CNTNAP2: variants seen among roughly 807,000 people sequenced by gnomAD.
CNTNAP2 encodes contactin-associated protein-like 2.
A neutral mutation model predicts 155.2 loss-of-function variants in CNTNAP2; 98 were observed. The observed-to-expected ratio is 0.63, with a 90% confidence interval of 0.54 to 0.75. The LOEUF (loss-of-function observed/expected upper bound fraction) is 0.75. Ranked by LOEUF, CNTNAP2 falls within the 30% of genes least tolerant of loss-of-function variation. CNTNAP2 has a pLI of 0.00. For missense variants in CNTNAP2, 1,727 were observed against 1,688.1 expected, an observed-to-expected ratio of 1.02 and a Z score of -0.40; for synonymous variants, 651 against 631.2, an observed-to-expected ratio of 1.03 and a Z score of -0.47.
intron 3 of CNTNAP2, among the ~76,000 whole-genome samples, chr7:146,887,830 C>T (rs1795698422): frequency 6.6e-6 from 1 of 152,080 alleles, no homozygotes; most frequent in South Asian, 2.1e-4. Flanking sequence ...CAGGTCATTT[C>T]CTTGACCACC....
In CNTNAP2 at chr7:147,560,168, C is replaced by CAAAAA. The variant is rs71183016; in HGVS notation, c.1778-1951_1778-1947dup. Among the ~76,000 whole-genome samples the CAAAAA allele has an allele frequency of 6.8e-4, 36 of 52,816 alleles. 2 individuals are homozygous for CAAAAA. The highest frequency in any genetic ancestry group is 1.2e-3 in the South Asian group (1 of 834). 34.6% of individuals were successfully genotyped at this position (52,816 alleles called of 152,430 possible). A position where few individuals can be genotyped will look rare whatever the true frequency, so the allele number is the denominator to read the frequency against. Reference sequence around the variant, plus strand: ...GGGCAACAAGAACGAAACTCCGTCTCAAAAAAAAAAAAAAAAAAAAAAATT... The same window carrying CAAAAA: ...GGGCAACAAGAACGAAACTCCGTCTCAAAAAAAAAAAAAAAAAAAAAAAAAAAATT... On this transcript the variant is annotated intron_variant, in intron 11 of 23. Transcript: ENST00000361727.
intron 3 of CNTNAP2, among the ~76,000 whole-genome samples, chr7:146,875,897 TACAC>T (rs1216351375): frequency 9.9e-6 from 1 of 100,818 alleles, no homozygotes; most frequent in Non-Finnish European, 1.7e-5. Context: ...CACACACACA[TACAC>T]ACACGCACAC....
At position 148,148,111 on chromosome 7, in the gene CNTNAP2, G is replaced by A. The variant is rs1805228419; in HGVS notation, c.2773+402G>A. The stretch of plus-strand genomic sequence containing the variant: ...GGGAGAGAGGGAGGGAGGGAGGGAG[G>A]AAATGGGCTAAGTTCAGATTTTTTT... On this transcript the variant is annotated intron_variant, in intron 17 of 23. Transcript: ENST00000361727. 3.9e-5 allele frequency among the ~76,000 whole-genome samples: 6 copies of A among 151,954 alleles called. No homozygotes were observed. The South Asian group carries it at 1.0e-3, about 26-fold the overall frequency.
chr7:146,470,372 A>G (rs1796779467), intron 1 of CNTNAP2, among the ~76,000 whole-genome samples: 1 of 152,174 alleles, frequency 6.6e-6, no homozygotes, highest in South Asian at 2.1e-4. Context: ...AACATCATTA[A>G]TGAAGGGCAT....
intron 3 of CNTNAP2, among the ~76,000 whole-genome samples, chr7:146,947,555 GTGTATATATATATATATATACATATA>G (rs1173464658): frequency 2.5e-4 from 10 of 39,432 alleles, no homozygotes; most frequent in South Asian, 2.1e-3. Context: ...GTGTGTGTGT[GTGTATATATATATATATATACATATA>G]TATATATATA....
Position 146,761,941 on chromosome 7 carries a change from C to T in CNTNAP2, c.98-12330C>T, listed in dbSNP as rs572499192. Among the ~76,000 whole-genome samples the T allele has an allele frequency of 1.4e-4, 21 of 151,950 alleles. 1 individual carries two copies. The highest frequency in any genetic ancestry group is 3.9e-4 in the African/African-American group (16 of 41,424). On this transcript the variant is annotated intron_variant, in intron 1 of 23. Transcript: ENST00000361727. ...AATCGCCACTTCAAAGGATAGTATG[C>T]GACTCAAAATCTAAATATATTTAAG...
At chr7:146,371,889 G>A (rs1475974547) in intron 1 of CNTNAP2, among the ~76,000 whole-genome samples, 1 of 151,806 alleles carries the variant, frequency 6.6e-6, no homozygotes, top group African/African-American at 2.4e-5. Flanking sequence ...AACCTGGGAT[G>A]GGGAGGTTGC....
Position 148,415,877 on chromosome 7 carries a change from G to T in CNTNAP2, c.*261G>T. ...AAAATGCTTTTAGAGTTTAAGCAAT[G>T]GTTGAAATTTGTAGGTACTATCTGT... On this transcript the variant is annotated 3_prime_UTR_variant, in exon 24 of 24. Transcript: ENST00000361727. 1.8e-6 allele frequency: 1 copy of T among 569,932 alleles called. No individual in the cohort carries two copies. Among genetic ancestry groups the T allele is most frequent in the Non-Finnish European group, 3.1e-6 (1 of 322,912 alleles). 35.3% of individuals were successfully genotyped at this position (569,932 alleles called of 1,614,324 possible). A position where few individuals can be genotyped will look rare whatever the true frequency, so the allele number is the denominator to read the frequency against.
intron 21 of CNTNAP2, among the ~76,000 whole-genome samples, chr7:148,279,428 C>T (rs915546402): frequency 4.6e-5 from 7 of 152,166 alleles, no homozygotes; most frequent in South Asian, 2.1e-4. Context: ...AGTCAAAGAG[C>T]GTTTCCCAAG....
At position 148,365,796 on chromosome 7, in the gene CNTNAP2, A is replaced by C. The variant is rs1419747274; in HGVS notation, c.3476-17853A>C. 2.0e-5 allele frequency among the ~76,000 whole-genome samples: 2 copies of C among 99,546 alleles called. 1 individual carries two copies. The highest frequency in any genetic ancestry group is 5.6e-4 in the South Asian group (2 of 3,566). The allele number at this position is 99,546 out of a possible 152,430, so 65.3% of individuals were successfully genotyped here. Reference sequence around the variant, plus strand: ...TACATGTATGTGTATGCATGTATACATGCATGTGTATGCATGTATACATGC... The same window carrying C: ...TACATGTATGTGTATGCATGTATACCTGCATGTGTATGCATGTATACATGC... On this transcript the variant is annotated intron_variant, in intron 21 of 23. Transcript: ENST00000361727.
intron 4 of CNTNAP2, among the ~76,000 whole-genome samples, chr7:147,094,925 G>T (rs530384847): frequency 6.6e-6 from 1 of 152,152 alleles, no homozygotes; most frequent in African/African-American, 2.4e-5. Flanking sequence ...GGTACCAAGA[G>T]ATTTGGTATC....
In CNTNAP2 at chr7:148,121,111, T is replaced by C. The variant is rs940025779; in HGVS notation, c.2554+2823T>C. The stretch of plus-strand genomic sequence containing the variant: ...GTGCAGTGGTGCAATCTCAGCTCAC[T>C]GCAACCTCTGCCTCCCAGGTTCAAG... On this transcript the variant is annotated intron_variant, in intron 16 of 23. Transcript: ENST00000361727. 6.6e-5 allele frequency among the ~76,000 whole-genome samples: 10 copies of C among 152,246 alleles called. No individual in the cohort carries two copies. The East Asian group carries it at 1.9e-3, about 29-fold the overall frequency.
intron 23 of CNTNAP2, among the ~76,000 whole-genome samples, chr7:148,413,392 C>CAA (rs1184055556): frequency 0.013 from 22 of 1,634 alleles, 6 homozygotes; most frequent in South Asian, 0.062. Context: ...AACTCCGTCT[C>CAA]AAAAAAAAAA....
chr7:148,053,971 C>CTTT (rs531701824), intron 15 of CNTNAP2, among the ~76,000 whole-genome samples: 4 of 127,190 alleles, frequency 3.1e-5, no homozygotes, highest in Admixed American at 8.4e-5. Flanking sequence ...AATTCCACTT[C>CTTT]TTTTTTTTTT....
chr7:147,542,423 T>C (rs1054054322), intron 11 of CNTNAP2, among the ~76,000 whole-genome samples: 7 of 152,310 alleles, frequency 4.6e-5, no homozygotes, highest in African/African-American at 1.4e-4. Context: ...ATTTACGGAC[T>C]AGCTGTGTGA....
At chr7:148,001,661 C>T (rs556902126) in intron 15 of CNTNAP2, among the ~76,000 whole-genome samples, 1 of 152,308 alleles carries the variant, frequency 6.6e-6, no homozygotes, top group East Asian at 1.9e-4. Flanking sequence ...AAAAGCTATA[C>T]ATTAATGTGC....
At chr7:148,229,851 T>G in intron 20 of CNTNAP2, 72 bp downstream of exon 20, 22 of 1,556,214 alleles carry the variant, frequency 1.4e-5, no homozygotes, top group Non-Finnish European at 1.8e-5. Context: ...TGCTTGGCCA[T>G]TGGTTTTGTT....
chr7:147,150,412 TGTAGA>T (rs1032473103), intron 8 of CNTNAP2, among the ~76,000 whole-genome samples: 9 of 151,898 alleles, frequency 5.9e-5, no homozygotes, highest in African/African-American at 1.7e-4. Flanking sequence ...AAAGAAAAAA[TGTAGA>T]GTAGAGTATA....
At chr7:147,408,543 G>A (rs552559106) in intron 10 of CNTNAP2, among the ~76,000 whole-genome samples, 1 of 152,190 alleles carries the variant, frequency 6.6e-6, no homozygotes, top group Non-Finnish European at 1.5e-5. Context: ...GGCGGATCAC[G>A]AGGTCAGGAG....
Sources: gnomAD v4.1 joint callset for allele counts (sites outside exome capture counted in the v4.1 genomes callset) on GRCh38, gnomAD v4.1.1 for gene constraint, MANE v1.5 for transcripts, NCBI Gene and HGNC (gene_info 2026-07-23, HGNC 2026-07-21) for gene names.